WDR72: variants seen among roughly 807,000 people sequenced by gnomAD.
The protein encoded by WDR72 is WD repeat-containing protein 72.
In WDR72, 120 loss-of-function variants were observed where a neutral mutation model predicts 124.2. The ratio of observed to expected loss-of-function variants is 0.97; its 90% CI spans 0.83 to 1.12. WDR72 has a LOEUF of 1.12. Ranked by LOEUF, WDR72 falls within the 50% of genes most tolerant of loss-of-function variation. WDR72 has a pLI of 0.00. For synonymous variants in WDR72, 452 were observed against 441.7 expected (o/e 1.02, Z -0.29); for missense variants, 1,387 against 1,278.8 (o/e 1.08, Z -1.29).
chr15:53,528,348 G>C (rs1034914097), intron 18 of WDR72, among the ~76,000 whole-genome samples: 1 of 152,088 alleles, frequency 6.6e-6, no homozygotes, highest in African/African-American at 2.4e-5. Flanking sequence ...TTTGTCTTCA[G>C]TGTGAACTGG....
At chr15:53,753,173 T>C (rs527821791) in intron 1 of WDR72, among the ~76,000 whole-genome samples, 2 of 152,342 alleles carry the variant, frequency 1.3e-5, no homozygotes, top group African/African-American at 4.8e-5. Context: ...TGACATCTAC[T>C]TCCCTTCTTT....
chr15:53,694,930 A>T (rs1175661227), intron 13 of WDR72, among the ~76,000 whole-genome samples: 1 of 152,164 alleles, frequency 6.6e-6, no homozygotes, highest in African/African-American at 2.4e-5. Flanking sequence ...CTGTTGTTGT[A>T]AGTAAAGTTT....
At chr15:53,761,827 A>AAAACAGAAACAATC (rs2019068479), upstream of WDR72, among the ~76,000 whole-genome samples, 2 of 15,266 alleles carry the variant, frequency 1.3e-4, no homozygotes, top group Non-Finnish European at 1.5e-3. Flanking sequence ...GTCAAAAACA[A>AAAACAGAAACAATC]AAACAAAAAC....
intron 1 of WDR72, among the ~76,000 whole-genome samples, chr15:53,745,034 T>TTAAAA (rs1555430682): frequency 6.9e-6 from 1 of 144,656 alleles, no homozygotes; most frequent in Admixed American, 6.9e-5. Context: ...TACTTTATTG[T>TTAAAA]AAAAAAAAAA....
rs780706833 is a variant in WDR72 at position 53,733,112 on chromosome 15, T to A, written c.38A>T (p.Gln13Leu). Reference protein sequence around the residue: ...TSLQAVALWGQKAPPHSITAI... With the variant: ...TSLQAVALWGLKAPPHSITAI... Reference sequence around the variant, plus strand: ...AGTGATGCTGTGGGGAGGGGCCTTCTGTCCCCAGAGTGCCACTGCCTGCAG... The same window carrying A: ...AGTGATGCTGTGGGGAGGGGCCTTCAGTCCCCAGAGTGCCACTGCCTGCAG... The change falls in exon 2 of 20, where the codon CAG (glutamine) becomes CTG (leucine). Residue 13 changes from glutamine (Q) to leucine (L), a missense_variant. Physicochemically the swap from Gln to Leu is moderately radical, Grantham distance 113. Coordinates refer to ENST00000360509, the MANE Select transcript of WDR72 (RefSeq NM_182758.4). 1 of 1,613,952 alleles carries A rather than the reference T, an allele frequency of 6.2e-7. No homozygotes were observed. Among genetic ancestry groups the A allele is most frequent in the African/African-American group, 1.3e-5 (1 of 74,922 alleles).
chr15:53,705,282 A>C (rs2017318761), intron 10 of WDR72, 49 bp from the exon 11 acceptor site: 1 of 1,580,744 alleles, frequency 6.3e-7, no homozygotes, highest in Admixed American at 1.7e-5. Flanking sequence ...TCAGTACATC[A>C]TAGACATGGA....
chr15:53,615,991 C>A lies in WDR72; in HGVS notation c.2215G>T (p.Ala739Ser). ...GTAATAGGCTTGGCTAGTGCCTCTG[C>A]TGAAAGAGGACCACAGGCAGTTTTA... ...KSKTACGPLS[A>S]EALAKPITES... Residue 739 changes from alanine to serine, a missense_variant, in exon 15 of 20, where the codon GCA (alanine) becomes TCA (serine). Transcript: ENST00000360509. The A allele has an allele frequency of 6.2e-7, 1 of 1,613,284 alleles. No individual in the cohort carries two copies. Among genetic ancestry groups the A allele is most frequent in the Non-Finnish European group, 8.5e-7 (1 of 1,179,584 alleles).
chr15:53,699,997 T>G, intron 12 of WDR72, 52 bp from the exon 13 acceptor site: 1 of 1,608,596 alleles, frequency 6.2e-7, no homozygotes, highest in South Asian at 1.1e-5. Context: ...GCTTTCTTTA[T>G]GAGTAAGTCA....
At chr15:53,695,704 G>T (rs1380872929) in intron 13 of WDR72, among the ~76,000 whole-genome samples, 2 of 151,988 alleles carry the variant, frequency 1.3e-5, no homozygotes, top group African/African-American at 4.8e-5. Context: ...GTCCACCTAC[G>T]ACCCCAAAAT....
At chr15:53,624,363 G>A (rs1291271918) in intron 14 of WDR72, among the ~76,000 whole-genome samples, 2 of 152,206 alleles carry the variant, frequency 1.3e-5, no homozygotes, top group African/African-American at 2.4e-5. Context: ...GTTTCTTCTG[G>A]ATTACTGGTT....
chr15:53,682,824 A>T (rs1328506360), intron 13 of WDR72, among the ~76,000 whole-genome samples: 1 of 152,162 alleles, frequency 6.6e-6, no homozygotes, highest in Non-Finnish European at 1.5e-5. Flanking sequence ...GGTTATCTTT[A>T]TAGCAGTATT....
intron 14 of WDR72, among the ~76,000 whole-genome samples, chr15:53,636,344 G>C (rs1179259979): frequency 2.0e-5 from 3 of 152,052 alleles, no homozygotes; most frequent in African/African-American, 4.8e-5. Flanking sequence ...ATTAATTACA[G>C]TATAAGTGGT....
intron 9 of WDR72, among the ~76,000 whole-genome samples, chr15:53,709,178 C>T (rs2017466376): frequency 6.6e-6 from 1 of 152,156 alleles, no homozygotes; most frequent in Admixed American, 6.5e-5. Context: ...ACTAAGGACT[C>T]TTACATTTAG....
At chr15:53,650,217 T>C (rs997890409) in intron 14 of WDR72, among the ~76,000 whole-genome samples, 3 of 152,172 alleles carry the variant, frequency 2.0e-5, no homozygotes, top group Non-Finnish European at 2.9e-5. Flanking sequence ...ATTACACCAA[T>C]ATGCAATATC....
intron 14 of WDR72, among the ~76,000 whole-genome samples, chr15:53,626,491 C>CA (rs1397430561): frequency 2.0e-5 from 3 of 152,136 alleles, no homozygotes; most frequent in African/African-American, 2.4e-5. Context: ...GACGGCGAGC[C>CA]AAAGCTCAGC....
intron 14 of WDR72, among the ~76,000 whole-genome samples, chr15:53,626,255 T>C (rs1258488171): frequency 6.6e-6 from 1 of 152,212 alleles, no homozygotes; most frequent in Non-Finnish European, 1.5e-5. Flanking sequence ...GTTATAGCTC[T>C]ATCAGAAGCC....
At chr15:53,609,355 T>C (rs1414227762) in intron 17 of WDR72, among the ~76,000 whole-genome samples, 158 bp downstream of exon 17, 1 of 152,146 alleles carries the variant, frequency 6.6e-6, no homozygotes, top group Non-Finnish European at 1.5e-5. Flanking sequence ...CCCTTGCTTA[T>C]GTTATGGTCC....
At chr15:53,528,550 C>T (rs1041549963) in intron 18 of WDR72, among the ~76,000 whole-genome samples, 1 of 151,872 alleles carries the variant, frequency 6.6e-6, no homozygotes, top group Admixed American at 6.6e-5. Context: ...TAGAATGAAT[C>T]GCTTTAAAGA....
intron 13 of WDR72, among the ~76,000 whole-genome samples, chr15:53,680,171 T>A (rs1444536184): frequency 2.6e-5 from 4 of 152,322 alleles, no homozygotes; most frequent in Non-Finnish European, 5.9e-5. Context: ...GATAGGTTAA[T>A]AGAATGCTCA....
Sources: allele counts gnomAD v4.1 joint callset (sites outside exome capture counted in the v4.1 genomes callset), GRCh38; gene constraint gnomAD v4.1.1; transcripts MANE v1.5; gene names NCBI Gene and HGNC (gene_info 2026-07-23, HGNC 2026-07-21).